The following SDK1 variants were observed in gnomAD, a reference collection of about 807,000 sequenced individuals.
SDK1 encodes protein sidekick-1.
In SDK1, 157 loss-of-function variants were observed where a neutral mutation model predicts 245.5. The ratio of observed to expected loss-of-function variants is 0.64; its 90% CI spans 0.56 to 0.73. SDK1 has a LOEUF of 0.73. Among genes scored for constraint, SDK1 ranks in the 30% least tolerant of loss-of-function variants. The pLI is 0.00. For missense variants in SDK1, 3,583 were observed against 3,002.3 expected (o/e 1.19, Z -4.52); for synonymous variants, 1,647 against 1,278.5 (o/e 1.29, Z -6.15).
At chr7:3,541,460 A>T (rs1292918501) in intron 1 of SDK1, among the ~76,000 whole-genome samples, 1 of 152,138 alleles carries the variant, frequency 6.6e-6, no homozygotes, top group Non-Finnish European at 1.5e-5. Context: ...TTTTCCATCC[A>T]TTCCCAACCT....
chr7:3,351,992 A>C (rs1435041536), intron 1 of SDK1, among the ~76,000 whole-genome samples: 3 of 152,096 alleles, frequency 2.0e-5, no homozygotes, highest in African/African-American at 7.2e-5. Context: ...GCAAGTATTG[A>C]TAAATTTCAA....
intron 1 of SDK1, among the ~76,000 whole-genome samples, chr7:3,583,397 C>A (rs1235039657): frequency 6.6e-6 from 1 of 152,090 alleles, no homozygotes; most frequent in African/African-American, 2.4e-5. Context: ...TTTTATTTAC[C>A]TTGAACTCAG....
In SDK1 at chr7:3,967,358, A is replaced by G; in HGVS notation, c.1470A>G (p.Thr490=). Residue 490 remains threonine, a synonymous_variant, in exon 10 of 45, where the codon ACA becomes ACG. Coordinates refer to ENST00000404826, the MANE Select transcript of SDK1 (RefSeq NM_152744.4). ...PVFTQRPVDT[T]VTDGMTAILR... ...TCACCCAGCGGCCAGTGGACACCAC[A>G]GTTACTGACGGGATGACAGCCATTC... is the stretch of plus-strand genomic sequence containing the variant. 1 of 1,614,142 alleles carries G rather than the reference A, an allele frequency of 6.2e-7. No homozygotes were observed. The highest frequency in any genetic ancestry group is 8.5e-7 in the Non-Finnish European group (1 of 1,179,998).
At chr7:3,684,725 G>A (rs562356571) in intron 4 of SDK1, among the ~76,000 whole-genome samples, 217 of 150,960 alleles carry the variant, frequency 1.4e-3, no homozygotes, top group African/African-American at 5.1e-3. Context: ...TCATAAAAGT[G>A]CTTCGGTAAG....
chr7:4,214,615 C>T (rs981680493), intron 38 of SDK1, among the ~76,000 whole-genome samples: 5 of 152,158 alleles, frequency 3.3e-5, no homozygotes, highest in South Asian at 2.1e-4. Context: ...CATCAGGCCT[C>T]CCCGGGTGTC....
chr7:3,439,798 A>C (rs1024658627), intron 1 of SDK1, among the ~76,000 whole-genome samples: 1 of 152,192 alleles, frequency 6.6e-6, no homozygotes, highest in Non-Finnish European at 1.5e-5. Flanking sequence ...AGATAGTGAG[A>C]ATGGCCATGA....
At position 3,831,661 on chromosome 7, in the gene SDK1, G is replaced by A. The variant is rs1051596661; in HGVS notation, c.847+10078G>A. Among the ~76,000 whole-genome samples, 3 of 152,184 alleles carry A rather than the reference G, an allele frequency of 2.0e-5. No individual in the cohort carries two copies. The East Asian group carries it at 5.8e-4, about 29-fold the overall frequency. The stretch of plus-strand genomic sequence containing the variant: ...TTTAAGGACAGAAAGATGTGATTTG[G>A]TTCAAAGCATAATGAAGGCTTATTG... On this transcript the variant is annotated intron_variant, in intron 5 of 44. Coordinates refer to ENST00000404826, the MANE Select transcript of SDK1 (RefSeq NM_152744.4).
chr7:3,784,277 C>G (rs1411928668), intron 4 of SDK1, among the ~76,000 whole-genome samples: 1 of 151,744 alleles, frequency 6.6e-6, no homozygotes, highest in Non-Finnish European at 1.5e-5. Flanking sequence ...AAAAGGATAT[C>G]CCCTTCAATA....
chr7:3,468,575 G>A (rs1473447452), intron 1 of SDK1, among the ~76,000 whole-genome samples: 2 of 151,954 alleles, frequency 1.3e-5, no homozygotes, highest in Admixed American at 1.3e-4. Flanking sequence ...TCTGACCTAC[G>A]GTGTTTGACT....
intron 1 of SDK1, among the ~76,000 whole-genome samples, chr7:3,420,878 T>G (rs977816463): frequency 2.0e-4 from 31 of 152,080 alleles, no homozygotes; most frequent in African/African-American, 7.2e-4. Flanking sequence ...CCACATGCAT[T>G]AGCTATTTAT....
chr7:3,487,471 G>T (rs903382073), intron 1 of SDK1, among the ~76,000 whole-genome samples: 2 of 152,054 alleles, frequency 1.3e-5, no homozygotes, highest in African/African-American at 4.8e-5. Flanking sequence ...GCTGTGCATG[G>T]TGGCTCATTC....
intron 1 of SDK1, among the ~76,000 whole-genome samples, chr7:3,582,877 T>C (rs1780553027): frequency 1.3e-5 from 2 of 152,058 alleles, no homozygotes; most frequent in Admixed American, 1.3e-4. Context: ...AACAACTTTA[T>C]CATTAAGACC....
chr7:3,531,090 C>T (rs1326299985), intron 1 of SDK1, among the ~76,000 whole-genome samples: 1 of 152,156 alleles, frequency 6.6e-6, no homozygotes, highest in East Asian at 1.9e-4. Flanking sequence ...AAGAGTCTAA[C>T]AAGATTTGAC....
chr7:3,732,015 C>T (rs1779193767), intron 4 of SDK1, among the ~76,000 whole-genome samples: 1 of 152,074 alleles, frequency 6.6e-6, no homozygotes, highest in Non-Finnish European at 1.5e-5. Flanking sequence ...TGGTCTCGAT[C>T]TCCTGACCTC....
At position 3,683,107 on chromosome 7, in the gene SDK1, C is replaced by T. The variant is rs1019083652; in HGVS notation, c.713+41002C>T. Among the ~76,000 whole-genome samples the T allele has an allele frequency of 7.9e-5, 12 of 152,140 alleles. No individual in the cohort carries two copies. The East Asian group carries it at 1.2e-3, about 15-fold the overall frequency. The stretch of plus-strand genomic sequence containing the variant: ...ACAGTATTACCGAGCAAGGCATTTA[C>T]GCTGAGTGGATTGATTGGGAGTGAA... On this transcript the variant is annotated intron_variant, in intron 4 of 44. Transcript: ENST00000404826.
chr7:3,978,705 A>G (rs928539055), intron 13 of SDK1, among the ~76,000 whole-genome samples: 13 of 152,172 alleles, frequency 8.5e-5, no homozygotes, highest in Non-Finnish European at 1.8e-4. Context: ...GTAACTTTCA[A>G]ACTGAGCTCT....
At chr7:3,488,052 A>C (rs1781755788) in intron 1 of SDK1, among the ~76,000 whole-genome samples, 1 of 152,140 alleles carries the variant, frequency 6.6e-6, no homozygotes, top group Non-Finnish European at 1.5e-5. Context: ...TGTTTCCCCC[A>C]CACCTTTCAA....
intron 44 of SDK1, among the ~76,000 whole-genome samples, chr7:4,252,344 G>A (rs961407754): frequency 2.0e-5 from 3 of 152,070 alleles, no homozygotes; most frequent in Non-Finnish European, 4.4e-5. Flanking sequence ...TGCTGAGAAT[G>A]ATGGTTTCCA....
Position 4,237,895 on chromosome 7 carries a change from C to T in SDK1, c.6130+111C>T, listed in dbSNP as rs768560204. ...CGTGTCTGCTTTTCCATTTCATTTG[C>T]TTGTAGGTGCTGAGAGAAATGCAAT... On this transcript the variant is annotated intron_variant, in intron 42 of 44. Coordinates refer to ENST00000404826, the MANE Select transcript of SDK1 (RefSeq NM_152744.4). 33 of 1,277,996 alleles carry T rather than the reference C, an allele frequency of 2.6e-5. 1 individual carries two copies. In the Admixed American group the frequency reaches 2.9e-4, roughly 11 times the overall value. The allele number at this position is 1,277,996 out of a possible 1,614,324, so 79.2% of individuals were successfully genotyped here.
Sources: gnomAD v4.1 joint callset for allele counts (sites outside exome capture counted in the v4.1 genomes callset) on GRCh38, gnomAD v4.1.1 for gene constraint, MANE v1.5 for transcripts, NCBI Gene and HGNC (gene_info 2026-07-23, HGNC 2026-07-21) for gene names.